ATF7IP2: variants seen among roughly 807,000 people sequenced by gnomAD.
The protein encoded by ATF7IP2 is activating transcription factor 7 interacting protein 2.
Under a neutral mutation model 64.2 loss-of-function variants are expected in ATF7IP2, and 42 were observed. The observed-to-expected ratio is 0.65, with a 90% confidence interval of 0.51 to 0.85. The LOEUF (loss-of-function observed/expected upper bound fraction) is 0.85, where lower values mean the gene tolerates loss of function less well. Among genes scored for constraint, ATF7IP2 ranks in the 40% least tolerant of loss-of-function variants. The pLI is 0.00. For synonymous variants in ATF7IP2, 308 were observed against 272.8 expected (o/e 1.13, Z -1.27); for missense variants, 933 against 784.2 (o/e 1.19, Z -2.27).
At chr16:10,405,825 C>T (rs2047627389) in intron 1 of ATF7IP2, among the ~76,000 whole-genome samples, 1 of 152,218 alleles carries the variant, frequency 6.6e-6, no homozygotes, top group African/African-American at 2.4e-5. Context: ...GAGCTGCCAA[C>T]TCTGTCCTTA....
intron 9 of ATF7IP2, among the ~76,000 whole-genome samples, chr16:10,468,597 C>T (rs541790631): frequency 1.3e-5 from 2 of 152,146 alleles, no homozygotes; most frequent in South Asian, 2.1e-4. Context: ...GAGTTTAGGT[C>T]AGAGATTGGA....
At chr16:10,453,225 C>T (rs575793888) in intron 8 of ATF7IP2, among the ~76,000 whole-genome samples, 9 of 152,288 alleles carry the variant, frequency 5.9e-5, no homozygotes, top group African/African-American at 1.9e-4. Flanking sequence ...GCATAGGCAC[C>T]GGAGGGAATC....
At chr16:10,432,253 T>C (rs986805246) in intron 5 of ATF7IP2, among the ~76,000 whole-genome samples, 2 of 152,138 alleles carry the variant, frequency 1.3e-5, no homozygotes, top group Middle Eastern at 3.4e-3. Flanking sequence ...AAATAATAAA[T>C]GAAGTCCTTG....
At position 10,440,422 on chromosome 16, in the gene ATF7IP2, G is replaced by C; in HGVS notation, c.1154G>C (p.Cys385Ser). ...IKTVLLFQRN[C>S]LKPNMLSSNG... ...ACAGTATTATTATTTCAAAGGAATT[G>C]TTTGAAACCAAACATGTTATCCAGT... The change falls in exon 8 of 14, where the codon TGT (cysteine) becomes TCT (serine). Residue 385 changes from cysteine (C) to serine (S), a missense_variant. Physicochemically the swap from Cys to Ser is moderately radical, Grantham distance 112. Transcript: ENST00000562102. 2 of 1,568,066 alleles carry C rather than the reference G, an allele frequency of 1.3e-6. No homozygotes were observed. Among genetic ancestry groups the C allele is most frequent in the Non-Finnish European group, 1.7e-6 (2 of 1,162,442 alleles).
At chr16:10,477,212 C>G (rs539062858) in intron 12 of ATF7IP2, among the ~76,000 whole-genome samples, 1 of 152,114 alleles carries the variant, frequency 6.6e-6, no homozygotes, top group Non-Finnish European at 1.5e-5. Flanking sequence ...GGTCTAACAC[C>G]CAGAATCTAC....
At chr16:10,404,549 T>C (rs1006569028) in intron 1 of ATF7IP2, among the ~76,000 whole-genome samples, 1 of 151,858 alleles carries the variant, frequency 6.6e-6, no homozygotes, top group African/African-American at 2.4e-5. Flanking sequence ...GCCCAGCCTT[T>C]TTTTTATTTT....
At chr16:10,473,894 CTTT>C (rs56766112) in intron 11 of ATF7IP2, 26 bp from the exon 12 acceptor site, 303 of 1,042,770 alleles carry the variant, frequency 2.9e-4, no homozygotes, top group South Asian at 5.9e-4. Flanking sequence ...TGAGGCAAAG[CTTT>C]TTTTTTTTTT....
intron 9 of ATF7IP2, among the ~76,000 whole-genome samples, chr16:10,466,681 T>A (rs1474414095): frequency 6.6e-6 from 1 of 152,202 alleles, no homozygotes; most frequent in Non-Finnish European, 1.5e-5. Context: ...CTTTGTCTTT[T>A]CAATTTTTTT....
At chr16:10,410,813 A>G (rs577742536) in intron 1 of ATF7IP2, among the ~76,000 whole-genome samples, 1 of 151,988 alleles carries the variant, frequency 6.6e-6, no homozygotes, top group Non-Finnish European at 1.5e-5. Context: ...AATGTTTTCA[A>G]CTTTTCCCCA....
intron 12 of ATF7IP2, among the ~76,000 whole-genome samples, chr16:10,475,846 G>A (rs1481935776): frequency 6.6e-6 from 1 of 151,562 alleles, no homozygotes; most frequent in Non-Finnish European, 1.5e-5. Flanking sequence ...ACACTCCATT[G>A]AAAAGCATTG....
At chr16:10,458,646 C>G (rs2049263823) in intron 9 of ATF7IP2, among the ~76,000 whole-genome samples, 1 of 152,076 alleles carries the variant, frequency 6.6e-6, no homozygotes. Context: ...GAAATAACAC[C>G]AGCTTGAAGC....
intron 7 of ATF7IP2, among the ~76,000 whole-genome samples, chr16:10,438,649 C>A (rs1043936178): frequency 2.6e-5 from 4 of 152,126 alleles, no homozygotes; most frequent in African/African-American, 9.7e-5. Flanking sequence ...GGCCATTAGC[C>A]TAATGTGAGA....
chr16:10,479,913 T>TCTACA (rs1323048142), intron 12 of ATF7IP2, among the ~76,000 whole-genome samples: 1 of 149,692 alleles, frequency 6.7e-6, no homozygotes, highest in Non-Finnish European at 1.5e-5. Flanking sequence ...TCCACCATTG[T>TCTACA]AGAAAACAGT....
intron 12 of ATF7IP2, among the ~76,000 whole-genome samples, chr16:10,475,066 A>G (rs752188209): frequency 2.6e-5 from 4 of 152,172 alleles, no homozygotes; most frequent in Non-Finnish European, 5.9e-5. Context: ...AGATCAACAA[A>G]ATTTGTTGCC....
At position 10,431,003 on chromosome 16, in the gene ATF7IP2, G is replaced by C; in HGVS notation, c.383G>C (p.Arg128Thr). ...AGTAGAACAACAGAATCCCCCAGCA[G>C]AGTCTTCACAGAAGAGGCAAAAGAT... is the stretch of plus-strand genomic sequence containing the variant. ...KPSRTTESPS[R>T]VFTEEAKDSL... is the part of the protein sequence containing the mutation. Residue 128 changes from arginine (R) to threonine (T), a missense_variant, in exon 5 of 14, where the codon AGA becomes ACA. Arg to Thr is a moderately conservative substitution (Grantham distance 71). Coordinates refer to ENST00000562102, the MANE Select transcript of ATF7IP2 (RefSeq NM_001393719.1). 1 of 1,614,192 alleles carries C rather than the reference G, an allele frequency of 6.2e-7. No individual in the cohort carries two copies. The highest frequency in any genetic ancestry group is 8.5e-7 in the Non-Finnish European group (1 of 1,180,042).
chr16:10,447,170 C>G (rs1459482860), intron 8 of ATF7IP2: 1 of 152,374 alleles, frequency 6.6e-6, no homozygotes, highest in Non-Finnish European at 1.5e-5. Flanking sequence ...TTTCAACCTC[C>G]AAGATACTCC....
At chr16:10,415,400 G>C (rs2047851641) in intron 2 of ATF7IP2, among the ~76,000 whole-genome samples, 1 of 152,164 alleles carries the variant, frequency 6.6e-6, no homozygotes, top group African/African-American at 2.4e-5. Flanking sequence ...TTCAATAAAT[G>C]GTGCTGGGAA....
intron 8 of ATF7IP2, among the ~76,000 whole-genome samples, chr16:10,449,937 T>C (rs575288481): frequency 6.6e-6 from 1 of 152,318 alleles, no homozygotes; most frequent in African/African-American, 2.4e-5. Flanking sequence ...TTTTAGATCT[T>C]TCCCGCTTGT....
At chr16:10,436,601 A>C (rs1194968093) in intron 6 of ATF7IP2, among the ~76,000 whole-genome samples, 1 of 152,202 alleles carries the variant, frequency 6.6e-6, no homozygotes, top group East Asian at 1.9e-4. Flanking sequence ...AAATTAAAGA[A>C]TATAATCATC....
Sources: gnomAD v4.1 joint callset for allele counts (sites outside exome capture counted in the v4.1 genomes callset) on GRCh38, gnomAD v4.1.1 for gene constraint, MANE v1.5 for transcripts, NCBI Gene and HGNC (gene_info 2026-07-23, HGNC 2026-07-21) for gene names.